The following CERS4 variants were observed in gnomAD, a reference collection of about 807,000 sequenced individuals.
The protein encoded by CERS4 is LAG1 homolog, ceramide synthase 4.
In CERS4, 65 loss-of-function variants were observed where a neutral mutation model predicts 51.8. That is an observed-to-expected ratio of 1.26 (90% confidence interval 1.03 to 1.54). CERS4 has a LOEUF of 1.54. Among genes scored for constraint, CERS4 ranks in the 40% most tolerant of loss-of-function variants. The pLI is 0.00. For synonymous variants in CERS4, 228 were observed against 208.4 expected, an observed-to-expected ratio of 1.09 and a Z score of -0.81; for missense variants, 563 against 500.4, an observed-to-expected ratio of 1.13 and a Z score of -1.19.
At chr19:8,225,268 A>C (rs1471471421) in intron 2 of CERS4, among the ~76,000 whole-genome samples, 1 of 152,074 alleles carries the variant, frequency 6.6e-6, no homozygotes, top group Non-Finnish European at 1.5e-5. Context: ...TCCCAGTTTC[A>C]TGCTTAGAGG....
chr19:8,257,792 C>T (rs1372579570), intron 9 of CERS4, 87 bp from the exon 10 acceptor site: 8 of 989,802 alleles, frequency 8.1e-6, no homozygotes, highest in Admixed American at 1.8e-5. Context: ...GGCCCCACCC[C>T]AACTCACCTG....
chr19:8,222,328 C>G (rs536270833), intron 2 of CERS4: 1 of 152,108 alleles, frequency 6.6e-6, no homozygotes, highest in South Asian at 2.1e-4. Flanking sequence ...CAGGCACCCA[C>G]CATCATGCCC....
At chr19:8,258,047 G>A in intron 10 of CERS4, 62 bp downstream of exon 10, 1 of 1,283,792 alleles carries the variant, frequency 7.8e-7, no homozygotes, top group Non-Finnish European at 1.1e-6. Context: ...TTCCAGGACT[G>A]CCTCACCATT....
chr19:8,214,034 A>C lies in CERS4; in HGVS notation c.-2+3172A>C, dbSNP rs1967188416. Among the ~76,000 whole-genome samples the C allele has an allele frequency of 2.0e-5, 3 of 151,926 alleles. No individual in the cohort carries two copies. In the South Asian group the frequency reaches 6.2e-4, roughly 32 times the overall value. Reference sequence around the variant, plus strand: ...GAGACCTTCCCCTCCCTGAGTCTGGACTTTATACCTTTGTTAATAGGATGC... The same window carrying C: ...GAGACCTTCCCCTCCCTGAGTCTGGCCTTTATACCTTTGTTAATAGGATGC... On this transcript the variant is annotated intron_variant, in intron 2 of 11. Transcript: ENST00000251363.
At chr19:8,253,705 C>T (rs1032339567) in intron 3 of CERS4, among the ~76,000 whole-genome samples, 3 of 151,974 alleles carry the variant, frequency 2.0e-5, no homozygotes, top group African/African-American at 7.3e-5. Flanking sequence ...ATTCACCTGC[C>T]TCAACCTCCC....
intron 2 of CERS4, among the ~76,000 whole-genome samples, chr19:8,249,408 G>C (rs1401350512): frequency 6.6e-6 from 1 of 151,944 alleles, no homozygotes; most frequent in African/African-American, 2.4e-5. Flanking sequence ...AAGCAGGCTG[G>C]GACACGCTGG....
At chr19:8,220,007 A>G (rs1227882815) in intron 2 of CERS4, among the ~76,000 whole-genome samples, 1 of 150,780 alleles carries the variant, frequency 6.6e-6, no homozygotes, top group Non-Finnish European at 1.5e-5. Flanking sequence ...AAATTTGTTA[A>G]GTGGATACAT....
At chr19:8,214,965 G>GGAGGGGGA (rs1967234216) in intron 2 of CERS4, among the ~76,000 whole-genome samples, 1 of 65,406 alleles carries the variant, frequency 1.5e-5, no homozygotes, top group Non-Finnish European at 3.8e-5. Context: ...AGGAGGGGGA[G>GGAGGGGGA]GAGGAGAAAA....
At chr19:8,217,212 A>G in intron 2 of CERS4, among the ~76,000 whole-genome samples, 1 of 152,034 alleles carries the variant, frequency 6.6e-6, no homozygotes, top group East Asian at 1.9e-4. Flanking sequence ...CCTGAGTGGG[A>G]GTGAGTGATG....
At chr19:8,213,612 G>A (rs954992527) in intron 2 of CERS4, among the ~76,000 whole-genome samples, 3 of 152,054 alleles carry the variant, frequency 2.0e-5, no homozygotes, top group African/African-American at 4.8e-5. Context: ...CTGGCCAAGC[G>A]CAGGCTTTTC....
At chr19:8,231,746 G>A (rs62126396) in intron 2 of CERS4, among the ~76,000 whole-genome samples, 6,931 of 151,446 alleles carry the variant, frequency 0.046, 161 homozygotes, top group South Asian at 0.058. Flanking sequence ...TAAAGACAGG[G>A]TTTCATCGTG....
chr19:8,241,984 CAGG>C (rs1384323489), intron 2 of CERS4, among the ~76,000 whole-genome samples: 2 of 152,306 alleles, frequency 1.3e-5, no homozygotes, highest in African/African-American at 2.4e-5. Flanking sequence ...TCCCTTCCCT[CAGG>C]AGAAGTTGAG....
chr19:8,242,668 C>T (rs1164506870), intron 2 of CERS4, among the ~76,000 whole-genome samples: 3 of 152,146 alleles, frequency 2.0e-5, no homozygotes, highest in African/African-American at 4.8e-5. Context: ...CTCTTCAGGG[C>T]AGAGATGTTG....
Position 8,255,601 on chromosome 19 carries a change from C to T in CERS4, c.292-6C>T. On this transcript the variant is annotated splice_region_variant and splice_polypyrimidine_tract_variant and intron_variant, in intron 4 of 11. Coordinates refer to ENST00000251363, the MANE Select transcript of CERS4 (RefSeq NM_024552.3). ...GTGACCCTTGTCCTCATCACCCCCT[C>T]CCCAGCCCCAGCTGTCTCTCCTGGC... is the stretch of plus-strand genomic sequence containing the variant. 6.2e-7 allele frequency: 1 copy of T among 1,608,520 alleles called. No homozygotes were observed. The highest frequency in any genetic ancestry group is 1.1e-5 in the South Asian group (1 of 90,434).
intron 2 of CERS4, among the ~76,000 whole-genome samples, chr19:8,226,668 G>A (rs1749964230): frequency 6.6e-6 from 1 of 152,182 alleles, no homozygotes; most frequent in South Asian, 2.1e-4. Flanking sequence ...CACTTTGGAA[G>A]GCCGACGTGG....
intron 2 of CERS4, among the ~76,000 whole-genome samples, chr19:8,219,894 G>T (rs993471041): frequency 4.0e-5 from 6 of 151,424 alleles, no homozygotes; most frequent in African/African-American, 1.5e-4. Context: ...GAGGCAGGGG[G>T]ATCATTTGAA....
intron 2 of CERS4, among the ~76,000 whole-genome samples, chr19:8,211,080 C>T (rs756626060): frequency 3.6e-4 from 55 of 151,896 alleles, no homozygotes; most frequent in East Asian, 1.9e-4. Context: ...TTCTAACGCC[C>T]GGTGGGAGTT....
At position 8,254,502 on chromosome 19, in the gene CERS4, C is replaced by A; in HGVS notation, c.177C>A (p.Phe59Leu). The change falls in exon 4 of 12, where the codon TTC (phenylalanine) becomes TTA (leucine). Residue 59 changes from phenylalanine (F) to leucine (L), a missense_variant. Physicochemically the swap from Phe to Leu is conservative, Grantham distance 22. Transcript: ENST00000251363. ...LLAMRLAFER[F>L]IGLPLSRWLG... Reference sequence around the variant, plus strand: ...GCTCTGTCTCCTTTGCACCCAGATTCATTGGCCTGCCCCTGAGCCGGTGGC... The same window carrying A: ...GCTCTGTCTCCTTTGCACCCAGATTAATTGGCCTGCCCCTGAGCCGGTGGC... 6.2e-7 allele frequency: 1 copy of A among 1,613,656 alleles called. No homozygotes were observed. The highest frequency in any genetic ancestry group is 1.1e-5 in the South Asian group (1 of 91,060).
intron 2 of CERS4, among the ~76,000 whole-genome samples, chr19:8,238,017 G>A (rs1968349176): frequency 6.6e-6 from 1 of 151,950 alleles, no homozygotes; most frequent in Non-Finnish European, 1.5e-5. Flanking sequence ...GTCTCTGTGC[G>A]AGTAACAATC....
Sources: gnomAD v4.1 joint callset for allele counts (sites outside exome capture counted in the v4.1 genomes callset) on GRCh38, gnomAD v4.1.1 for gene constraint, MANE v1.5 for transcripts, NCBI Gene and HGNC (gene_info 2026-07-23, HGNC 2026-07-21) for gene names.